Variants in DHRSX observed in about 807,000 individuals in gnomAD.
DHRSX encodes the protein polyprenol dehydrogenase.
In DHRSX, 31 loss-of-function variants were observed where a neutral mutation model predicts 34.0. The observed-to-expected ratio is 0.91, with a 90% CI of 0.69 to 1.23. The LOEUF (loss-of-function observed/expected upper bound fraction) is 1.23, where lower values mean the gene tolerates loss of function less well. Ranked by LOEUF, DHRSX falls within the 50% of genes most tolerant of loss-of-function variation. The probability of loss-of-function intolerance (pLI) is 0.00; values close to 1 mark genes in which losing one functional copy is unlikely to be tolerated. For synonymous variants in DHRSX, 201 were observed against 183.8 expected, an observed-to-expected ratio of 1.09 and a Z score of -0.76; for missense variants, 414 against 428.1, an observed-to-expected ratio of 0.97 and a Z score of 0.29.
At chrX:2,314,995 C>T (rs2042224997) in intron 3 of DHRSX, among the ~76,000 whole-genome samples, 5 of 152,046 alleles carry the variant, frequency 3.3e-5, no homozygotes, top group Admixed American at 3.3e-4. Flanking sequence ...GCTGTCTCTA[C>T]TAAAAGTACA....
At chrX:2,268,258 C>T (rs1467538283) in intron 4 of DHRSX, among the ~76,000 whole-genome samples, 1 of 152,186 alleles carries the variant, frequency 6.6e-6, no homozygotes, top group East Asian at 1.9e-4. Flanking sequence ...CCTAGAAACA[C>T]GCACGAACCA....
At position 2,425,141 on chromosome X, in the gene DHRSX, A is replaced by G. The variant is rs2043826474; in HGVS notation, c.217+56T>C. ...GGTTGACGGACTGCGATCCTGTCTC[A>G]GAAAAAAAAAAAAACCGAAAAAACA... On this transcript the variant is annotated intron_variant, in intron 2 of 6. Transcript: ENST00000334651. 1.1e-4 allele frequency: 123 copies of G among 1,102,836 alleles called. No individual in the cohort carries two copies. The South Asian group carries it at 1.5e-3, about 14-fold the overall frequency. 68.3% of individuals were successfully genotyped at this position (1,102,836 alleles called of 1,614,324 possible).
intron 3 of DHRSX, 57 bp downstream of exon 3, chrX:2,408,688 G>A (rs2043588984): frequency 6.7e-6 from 10 of 1,487,008 alleles, no homozygotes; most frequent in East Asian, 4.6e-5. Context: ...CCACGCAAAC[G>A]ACCTGTCCCA....
chrX:2,357,128 C>T (rs1055544547), intron 3 of DHRSX, among the ~76,000 whole-genome samples: 2 of 152,034 alleles, frequency 1.3e-5, no homozygotes, highest in Non-Finnish European at 2.9e-5. Context: ...CCTGTAATGC[C>T]AGCTACTCAG....
chrX:2,330,914 G>A (rs1257789906), intron 3 of DHRSX, among the ~76,000 whole-genome samples: 1 of 152,142 alleles, frequency 6.6e-6, no homozygotes, highest in Non-Finnish European at 1.5e-5. Flanking sequence ...CACTCTAAAT[G>A]TCTCTCAAAT....
rs376033595 is a variant in DHRSX, at chrX:2,231,439, TTCTC to T, written c.805-10214_805-10211del. ...TTGCTTCCTCTTCCTTTTTCTCTTTTTCTCTCTCTATTCCTCTTTCTCTTCCTCC... is the reference window on the plus strand; with the variant it reads ...TTGCTTCCTCTTCCTTTTTCTCTTTTTCTCTATTCCTCTTTCTCTTCCTCC... On this transcript the variant is annotated intron_variant, in intron 6 of 6. Coordinates refer to ENST00000334651, the MANE Select transcript of DHRSX (RefSeq NM_145177.3). Among the ~76,000 whole-genome samples the T allele has an allele frequency of 3.6e-4, 55 of 151,650 alleles. 1 individual carries two copies. The highest frequency in any genetic ancestry group is 2.3e-3 in the East Asian group (12 of 5,148).
chrX:2,299,321 T>C (rs2041983552), intron 3 of DHRSX, among the ~76,000 whole-genome samples: 1 of 152,148 alleles, frequency 6.6e-6, no homozygotes, highest in South Asian at 2.1e-4. Context: ...ACTGTGATTC[T>C]GACAGTGAGA....
rs1161192038 is a variant in DHRSX, at chrX:2,307,856, A to C, written c.287-16253T>G. ...GAGGCTTCAAGCCCACTGGACCAAG[A>C]CACCAGGGTGATCTGCGCATAGGAC... is the stretch of plus-strand genomic sequence containing the variant. On this transcript the variant is annotated intron_variant, in intron 3 of 6. Coordinates refer to ENST00000334651, the MANE Select transcript of DHRSX (RefSeq NM_145177.3). Among the ~76,000 whole-genome samples, 6 of 151,996 alleles carry C rather than the reference A, an allele frequency of 3.9e-5. No individual in the cohort carries two copies. The East Asian group carries it at 1.2e-3, about 29-fold the overall frequency.
At chrX:2,422,539 G>A (rs1422335107) in intron 2 of DHRSX, among the ~76,000 whole-genome samples, 1 of 152,134 alleles carries the variant, frequency 6.6e-6, no homozygotes, top group Non-Finnish European at 1.5e-5. Flanking sequence ...GGGATTACAG[G>A]CATGAGCCAC....
At chrX:2,271,340 A>G (rs1210924896) in intron 4 of DHRSX, among the ~76,000 whole-genome samples, 1 of 152,160 alleles carries the variant, frequency 6.6e-6, no homozygotes, top group Admixed American at 6.5e-5. Context: ...GAAGGAATAA[A>G]TTCTGGACAC....
At chrX:2,234,344 T>C (rs376487504) in intron 6 of DHRSX, among the ~76,000 whole-genome samples, 10 of 149,938 alleles carry the variant, frequency 6.7e-5, no homozygotes, top group African/African-American at 2.0e-4. Context: ...CCCTGATCCA[T>C]GCACATGCAT....
At chrX:2,309,736 T>TAC (rs961558917) in intron 3 of DHRSX, among the ~76,000 whole-genome samples, 1 of 152,076 alleles carries the variant, frequency 6.6e-6, no homozygotes, top group Non-Finnish European at 1.5e-5. Context: ...AGCAAGACCC[T>TAC]ACCTCTACAA....
chrX:2,334,170 C>CTTTTTTTTTTTTTTTTTTTT lies in DHRSX; in HGVS notation c.287-42568_287-42567insAAAAAAAAAAAAAAAAAAAA, dbSNP rs778057545. On this transcript the variant is annotated intron_variant, in intron 3 of 6. Coordinates refer to ENST00000334651, the MANE Select transcript of DHRSX (RefSeq NM_145177.3). ...TCTGTTGTTTTAACTCAAAAGTATGCTTTTTTTTTTTGAGACACAGTCTTA... is the reference window on the plus strand; with the variant it reads ...TCTGTTGTTTTAACTCAAAAGTATGCTTTTTTTTTTTTTTTTTTTTTTTTTTTTTTTGAGACACAGTCTTA... 1.8e-4 allele frequency: 19 copies of CTTTTTTTTTTTTTTTTTTTT among 105,114 alleles called. 4 individuals carry two copies. Among genetic ancestry groups the CTTTTTTTTTTTTTTTTTTTT allele is most frequent in the African/African-American group, 6.2e-4 (15 of 24,224 alleles). 6.5% of individuals were successfully genotyped at this position (105,114 alleles called of 1,614,324 possible). A position where few individuals can be genotyped will look rare whatever the true frequency, so the allele number is the denominator to read the frequency against.
At chrX:2,239,382 C>T (rs3934928) in intron 6 of DHRSX, among the ~76,000 whole-genome samples, 2,955 of 143,692 alleles carry the variant, frequency 0.021, 95 homozygotes, top group African/African-American at 0.071. Context: ...CCAACCTGGG[C>T]GAACAGCAAG....
chrX:2,226,583 G>A (rs185733414), intron 6 of DHRSX, among the ~76,000 whole-genome samples: 83 of 152,164 alleles, frequency 5.5e-4, no homozygotes, highest in African/African-American at 1.7e-3. Context: ...GGCGGATCGC[G>A]AGGTCAGGAG....
intron 1 of DHRSX, among the ~76,000 whole-genome samples, chrX:2,448,288 A>G (rs1299984088): frequency 1.3e-5 from 2 of 152,172 alleles, no homozygotes; most frequent in African/African-American, 2.4e-5. Flanking sequence ...AGCTATGAAC[A>G]TGACGCTGCA....
chrX:2,423,908 G>C (rs1205570198), intron 2 of DHRSX, among the ~76,000 whole-genome samples: 3 of 152,150 alleles, frequency 2.0e-5, no homozygotes, highest in Non-Finnish European at 4.4e-5. Context: ...AACCGTGAGT[G>C]TCTATAGGTC....
rs775685872 is a variant in DHRSX at position 2,300,741 on chromosome X, T to C, written c.287-9138A>G. Among the ~76,000 whole-genome samples, 9 of 152,322 alleles carry C rather than the reference T, an allele frequency of 5.9e-5. No homozygotes were observed. The South Asian group carries it at 1.9e-3, about 32-fold the overall frequency. ...AGCTTATTGTAGGACCTTGTGATCC[T>C]GTGAGTTAATACTGAATAAACCCCC... is the stretch of plus-strand genomic sequence containing the variant. On this transcript the variant is annotated intron_variant, in intron 3 of 6. Transcript: ENST00000334651.
In DHRSX at chrX:2,333,072, CCT is replaced by C. The variant is rs372077938; in HGVS notation, c.287-41471_287-41470del. On this transcript the variant is annotated intron_variant, in intron 3 of 6. Transcript: ENST00000334651. ...GCTCGTTTTGCTATTTACCCATTCCCCTGTTTTCTTGCCCTGTAAAATGGACA... is the reference window on the plus strand; with the variant it reads ...GCTCGTTTTGCTATTTACCCATTCCCGTTTTCTTGCCCTGTAAAATGGACA... Among the ~76,000 whole-genome samples the C allele has an allele frequency of 2.1e-3, 318 of 152,256 alleles. 4 individuals are homozygous for C. Among genetic ancestry groups the C allele is most frequent in the African/African-American group, 7.3e-3 (302 of 41,548 alleles).
Sources: allele counts gnomAD v4.1 joint callset (sites outside exome capture counted in the v4.1 genomes callset), GRCh38; gene constraint gnomAD v4.1.1; transcripts MANE v1.5; gene names NCBI Gene and HGNC (gene_info 2026-07-23, HGNC 2026-07-21).